The following PLIN4 variants were observed in gnomAD, a reference collection of about 807,000 sequenced individuals.
The protein encoded by PLIN4 is perilipin-4.
Under a neutral mutation model 52.4 loss-of-function variants are expected in PLIN4, and 57 were observed. That is an observed-to-expected ratio of 1.09 (90% CI 0.88 to 1.36). PLIN4 has a LOEUF of 1.36. Ranked by LOEUF, PLIN4 falls within the 40% of genes most tolerant of loss-of-function variation. The pLI, the probability that PLIN4 is intolerant of heterozygous loss-of-function variation, is 0.00. For synonymous variants in PLIN4, 826 were observed against 785.4 expected (o/e 1.05, Z -0.86); for missense variants, 1,757 against 1,770.3 (o/e 0.99, Z 0.13).
chr19:4,513,449 T>C lies in PLIN4; in HGVS notation c.511A>G (p.Thr171Ala). 1 of 1,613,414 alleles carries C rather than the reference T, an allele frequency of 6.2e-7. No individual in the cohort carries two copies. The highest frequency in any genetic ancestry group is 8.5e-7 in the Non-Finnish European group (1 of 1,179,870). ...GCCCCCGTGAGCCCAGTGGACACCG[T>C]GTCCTTGGTGCCGGTGAGGACAGCC... ...SKAVLTGTKD[T>A]VSTGLTGAVN... The change falls in exon 5 of 8, where the codon ACG becomes GCG. Residue 171 changes from threonine to alanine, a missense_variant. By Grantham distance (58) the Thr-to-Ala change is moderately conservative (BLOSUM62 0). Transcript: ENST00000301286.
At chr19:4,514,770 G>A (rs1252954395) in intron 4 of PLIN4, among the ~76,000 whole-genome samples, 2 of 151,502 alleles carry the variant, frequency 1.3e-5, no homozygotes, top group African/African-American at 2.4e-5. Flanking sequence ...TATTCAGGCT[G>A]GGCACAGTGG....
At position 4,511,086 on chromosome 19, in the gene PLIN4, A is replaced by C. The variant is rs1296813568; in HGVS notation, c.2874T>G (p.Ser958Arg). The change falls in exon 5 of 8, where the codon AGT becomes AGG. Residue 958 changes from serine (S) to arginine (R), a missense_variant. Around this residue, in one of 7 missense-constraint regions of PLIN4, gnomAD observed 712 missense variants for 637.1 expected, o/e 1.12. Coordinates refer to ENST00000301286, the MANE Select transcript of PLIN4 (RefSeq NM_001367868.2). Reference protein sequence around the residue: ...TGVDTAKTVLSGAKDAVTTGV... With the variant: ...TGVDTAKTVLRGAKDAVTTGV... ...CAGTAGTCACTGCATCCTTAGCGCCACTCAGCACCGTCTTGGCTGTGTCCA... is the reference window on the plus strand; with the variant it reads ...CAGTAGTCACTGCATCCTTAGCGCCCCTCAGCACCGTCTTGGCTGTGTCCA... The C allele has an allele frequency of 6.2e-7, 1 of 1,612,984 alleles. No individual in the cohort carries two copies. Among genetic ancestry groups the C allele is most frequent in the Non-Finnish European group, 8.5e-7 (1 of 1,179,700 alleles).
rs1976492986 is a variant in PLIN4 at position 4,513,414 on chromosome 19, C to T, written c.546G>A (p.Val182=). 6.2e-7 allele frequency: 1 copy of T among 1,613,528 alleles called. No homozygotes were observed. Among genetic ancestry groups the T allele is most frequent in the Non-Finnish European group, 8.5e-7 (1 of 1,179,900 alleles). ...VSTGLTGAVN[V]AKGTVQAGVD... is the part of the protein sequence containing the mutation. ...CACCGGCCTGTACGGTCCCTTTGGCCACATTCACTGCCCCCGTGAGCCCAG... is the reference window on the plus strand; with the variant it reads ...CACCGGCCTGTACGGTCCCTTTGGCTACATTCACTGCCCCCGTGAGCCCAG... Residue 182 remains valine (V), a synonymous_variant, in exon 5 of 8, where the codon GTG becomes GTA. Coordinates refer to ENST00000301286, the MANE Select transcript of PLIN4 (RefSeq NM_001367868.2).
At chr19:4,509,667 T>C (rs1388850845) in intron 5 of PLIN4, among the ~76,000 whole-genome samples, 2 of 151,588 alleles carry the variant, frequency 1.3e-5, no homozygotes, top group Admixed American at 6.6e-5. Flanking sequence ...AAGCTGGGTA[T>C]GGTGGCTCAT....
rs199625614 is a variant in PLIN4 at position 4,511,185 on chromosome 19, G to A, written c.2775C>T (p.Thr925=). 1.1e-4 allele frequency: 177 copies of A among 1,603,550 alleles called. 1 individual carries two copies. In the South Asian group the frequency reaches 1.2e-3, roughly 11 times the overall value. The change falls in exon 5 of 8, where the codon ACC becomes ACT. Residue 925 remains threonine (T), a synonymous_variant. Coordinates refer to ENST00000301286, the MANE Select transcript of PLIN4 (RefSeq NM_001367868.2). ...TGVDTSKTVL[T]GTKDTVCSGV... is the part of the protein sequence containing the mutation. ...CACTGCAGACGGTGTCCTTGGTACCGGTCAGGACAGTCTTGCTGGTGTCCA... is the reference window on the plus strand; with the variant it reads ...CACTGCAGACGGTGTCCTTGGTACCAGTCAGGACAGTCTTGCTGGTGTCCA...
In PLIN4 at chr19:4,510,481, C is replaced by T. The variant is rs201219499; in HGVS notation, c.3479G>A (p.Gly1160Glu). The change falls in exon 5 of 8, where the codon GGG (glycine) becomes GAG (glutamate). Residue 1160 changes from glycine to glutamate, a missense_variant. Transcript: ENST00000301286. ...CGCATTCATGGGGTGGAAGATGTCC[C>T]CCAGCCCCTCCAACTCATTCTGCAG... is the stretch of plus-strand genomic sequence containing the variant. ...AMLQNELEGL[G>E]DIFHPMNAEE... 2,802 of 1,458,316 alleles carry T rather than the reference C, an allele frequency of 1.9e-3. 2 individuals are homozygous for T. The highest frequency in any genetic ancestry group is 2.3e-3 in the Non-Finnish European group (2,555 of 1,104,106). The allele number at this position is 1,458,316 out of a possible 1,614,324, so 90.3% of individuals were successfully genotyped here. A position where few individuals can be genotyped will look rare whatever the true frequency, so the allele number is the denominator to read the frequency against.
In PLIN4 at chr19:4,503,609, TTGTC is replaced by T. The variant is rs953037855; in HGVS notation, c.*846_*849del. ...GCACAGTTCCCTGCGGGGAAGTCCT[TTGTC>T]TGTGTTCTCCAGGGGCAGCTGCTGG... On this transcript the variant is annotated 3_prime_UTR_variant, in exon 8 of 8. Transcript: ENST00000301286. The T allele has an allele frequency of 8.5e-4, 130 of 152,478 alleles. No homozygotes were observed. The highest frequency in any genetic ancestry group is 3.0e-3 in the African/African-American group (124 of 41,562). 9.4% of individuals were successfully genotyped at this position (152,478 alleles called of 1,614,324 possible).
At position 4,513,192 on chromosome 19, in the gene PLIN4, A is replaced by G. The variant is rs561692572; in HGVS notation, c.768T>C (p.Gly256=). ...VNVARGSIQT[G]VDTSKTVLTG... ...TTAGGACAGTCTTACTGGTGTCCAC[A>G]CCGGTCTGAATGCTTCCTCTGGCCA... Residue 256 remains glycine, a synonymous_variant, in exon 5 of 8, where the codon GGT becomes GGC. Transcript: ENST00000301286. 15 of 1,609,960 alleles carry G rather than the reference A, an allele frequency of 9.3e-6. 1 individual carries two copies. The highest frequency in any genetic ancestry group is 7.7e-5 in the South Asian group (7 of 90,610).
rs749497879 is a variant in PLIN4 at position 4,512,338 on chromosome 19, CTGG to C, written c.1619_1621del (p.Thr540del). The C allele has an allele frequency of 2.4e-5, 38 of 1,611,950 alleles. No homozygotes were observed. Among genetic ancestry groups the C allele is most frequent in the Non-Finnish European group, 3.1e-5 (37 of 1,179,664 alleles). ...GGCCCCTTTGGCCACGTTCACAGCA[CTGG>C]TCACCCCACTGCAGACGGTGTCCTT... On this transcript the variant is annotated inframe_deletion, in exon 5 of 8. Coordinates refer to ENST00000301286, the MANE Select transcript of PLIN4 (RefSeq NM_001367868.2).
chr19:4,503,907 C>G lies in PLIN4; in HGVS notation c.*552G>C, dbSNP rs902826314. On this transcript the variant is annotated 3_prime_UTR_variant, in exon 8 of 8. Coordinates refer to ENST00000301286, the MANE Select transcript of PLIN4 (RefSeq NM_001367868.2). Reference sequence around the variant, plus strand: ...GATGGCAGTGTCGCTTTTTCTAGTACTTTCTACTATGAGGGAATGTGGTTC... The same window carrying G: ...GATGGCAGTGTCGCTTTTTCTAGTAGTTTCTACTATGAGGGAATGTGGTTC... The G allele has an allele frequency of 6.6e-6, 1 of 152,124 alleles. No individual in the cohort carries two copies. The highest frequency in any genetic ancestry group is 2.4e-5 in the African/African-American group (1 of 41,418). 9.4% of individuals were successfully genotyped at this position (152,124 alleles called of 1,614,324 possible). A position where few individuals can be genotyped will look rare whatever the true frequency, so the allele number is the denominator to read the frequency against.
intron 6 of PLIN4, among the ~76,000 whole-genome samples, chr19:4,506,705 T>TG (rs1976105492): frequency 2.0e-5 from 3 of 152,252 alleles, no homozygotes; most frequent in African/African-American, 7.2e-5. Flanking sequence ...GAAGAGTGCC[T>TG]GGGCTGAGTT....
chr19:4,513,096 G>A lies in PLIN4; in HGVS notation c.864C>T (p.Thr288=), dbSNP rs753644880. The change falls in exon 5 of 8, where the codon ACC becomes ACT. Residue 288 remains threonine (T), a synonymous_variant. Coordinates refer to ENST00000301286, the MANE Select transcript of PLIN4 (RefSeq NM_001367868.2). ...AMNVAKGTIQ[T]GVDTSKTVLT... ...GGACAGTCTTACTGGTGTCCACGCC[G>A]GTCTGGATGGTTCCTTTGGCCACAT... The A allele has an allele frequency of 2.0e-5, 13 of 659,554 alleles. No individual in the cohort carries two copies. Among genetic ancestry groups the A allele is most frequent in the South Asian group, 1.0e-4 (6 of 59,002 alleles). 40.9% of individuals were successfully genotyped at this position (659,554 alleles called of 1,614,324 possible). A position where few individuals can be genotyped will look rare whatever the true frequency, so the allele number is the denominator to read the frequency against.
chr19:4,513,229 C>G lies in PLIN4; in HGVS notation c.731G>C (p.Gly244Ala). The G allele has an allele frequency of 6.2e-7, 1 of 1,613,916 alleles. No individual in the cohort carries two copies. Among genetic ancestry groups the G allele is most frequent in the South Asian group, 1.1e-5 (1 of 91,090 alleles). Residue 244 changes from glycine to alanine, a missense_variant, in exon 5 of 8, where the codon GGG (glycine) becomes GCG (alanine). Gly to Ala is a moderately conservative substitution (Grantham distance 60, BLOSUM62 0). Coordinates refer to ENST00000301286, the MANE Select transcript of PLIN4 (RefSeq NM_001367868.2). ...TKDAVSTGLT[G>A]AVNVARGSIQ... ...GCTTCCTCTGGCCACATTCACTGCCCCTGTGAGCCCAGTGGACACAGCATC... is the reference window on the plus strand; with the variant it reads ...GCTTCCTCTGGCCACATTCACTGCCGCTGTGAGCCCAGTGGACACAGCATC...
intron 5 of PLIN4, among the ~76,000 whole-genome samples, chr19:4,509,310 C>CAAAAAAAAAAAAAAAAAAAAAA (rs71168909): frequency 0.041 from 641 of 15,760 alleles, 249 homozygotes; most frequent in Non-Finnish European, 0.046. Flanking sequence ...GACTCCGTCT[C>CAAAAAAAAAAAAAAAAAAAAAA]AAAAAAAAAA....
In PLIN4 at chr19:4,508,778, C is replaced by T. The variant is rs1349528064; in HGVS notation, c.3692G>A (p.Cys1231Tyr). 6.3e-7 allele frequency: 1 copy of T among 1,584,006 alleles called. No homozygotes were observed. The highest frequency in any genetic ancestry group is 1.8e-5 in the Admixed American group (1 of 55,378). The change falls in exon 6 of 8, where the codon TGC becomes TAC. Residue 1231 changes from cysteine to tyrosine, a missense_variant. This residue lies in a region of PLIN4 where 712 missense variants were observed against 637.1 expected (regional missense o/e 1.12). Coordinates refer to ENST00000301286, the MANE Select transcript of PLIN4 (RefSeq NM_001367868.2). ...GGGGGAAGCTCTTACCAGCCTGAAG[C>T]AGTCCTGGAGCTGGGCCAGAGTGTC... ...ARDTLAQLQD[C>Y]FRLIEKAQQA...
At position 4,510,672 on chromosome 19, in the gene PLIN4, C is replaced by A; in HGVS notation, c.3288G>T (p.Pro1096=). The part of the protein sequence containing the change: ...EAPFSGISTP[P]DVLSVGPEPA... ...GCTCCGGGCCTACACTGAGCACATC[C>A]GGGGGCGTGGAGATGCCAGAGAACG... Residue 1096 remains proline, a synonymous_variant, in exon 5 of 8, where the codon CCG becomes CCT. Coordinates refer to ENST00000301286, the MANE Select transcript of PLIN4 (RefSeq NM_001367868.2). 1 of 1,519,934 alleles carries A rather than the reference C, an allele frequency of 6.6e-7. No individual in the cohort carries two copies. Among genetic ancestry groups the A allele is most frequent in the South Asian group, 1.3e-5 (1 of 76,020 alleles). 94.2% of individuals were successfully genotyped at this position (1,519,934 alleles called of 1,614,324 possible).
intron 6 of PLIN4, 113 bp downstream of exon 6, chr19:4,508,655 G>T (rs572537789): frequency 2.5e-6 from 3 of 1,186,356 alleles, no homozygotes; most frequent in Non-Finnish European, 3.5e-6. Context: ...CATTGGTGAC[G>T]CTGACAGCAT....
intron 6 of PLIN4, among the ~76,000 whole-genome samples, chr19:4,507,731 T>G (rs1189671274): frequency 1.3e-5 from 2 of 152,056 alleles, no homozygotes; most frequent in Non-Finnish European, 2.9e-5. Flanking sequence ...CCTGTGAGAT[T>G]TCTGCCTCCC....
rs1385489838 is a variant in PLIN4 at position 4,512,640 on chromosome 19, C to T, written c.1320G>A (p.Val440=). 1 of 1,582,420 alleles carries T rather than the reference C, an allele frequency of 6.3e-7. No individual in the cohort carries two copies. Among genetic ancestry groups the T allele is most frequent in the East Asian group, 2.2e-5 (1 of 44,704 alleles). ...TGTKDTVCSG[V]TGAMNLARGT... is the part of the protein sequence containing the mutation. ...CTCTGGCCAAATTCATGGCACCAGT[C>T]ACCCCACTGCAGACGGTGTCCTTTG... Residue 440 remains valine, a synonymous_variant, in exon 5 of 8, where the codon GTG becomes GTA. Transcript: ENST00000301286.
Sources: allele counts gnomAD v4.1 joint callset (sites outside exome capture counted in the v4.1 genomes callset), GRCh38; gene constraint gnomAD v4.1.1; regional missense constraint gnomAD v4.1.1; transcripts MANE v1.5; gene names NCBI Gene and HGNC (gene_info 2026-07-23, HGNC 2026-07-21).